The following ZNF850 variants were observed in gnomAD, a reference collection of about 807,000 sequenced individuals.
The protein encoded by ZNF850 is putative zinc finger protein ENSP00000330994.
ZNF850 carries 2 observed loss-of-function variants against 11.9 expected under a neutral mutation model. That is an observed-to-expected ratio of 0.17 (90% CI 0.07 to 0.53). The LOEUF is 0.53. ZNF850 is among the 20% of genes least tolerant of loss of function. ZNF850 has a pLI of 0.94. For missense variants in ZNF850, 1,014 were observed against 1,316.4 expected (o/e 0.77, Z 3.55); for synonymous variants, 381 against 443.0 (o/e 0.86, Z 1.76).
intron 4 of ZNF850, among the ~76,000 whole-genome samples, chr19:36,753,413 A>T (rs2040465609): frequency 9.7e-6 from 1 of 103,152 alleles, no homozygotes; most frequent in Non-Finnish European, 1.9e-5. Context: ...ACAGCCTGGG[A>T]CACTGTCTCA....
At chr19:36,771,297 G>A (rs1399047632) in intron 1 of ZNF850, among the ~76,000 whole-genome samples, 9 of 152,164 alleles carry the variant, frequency 5.9e-5, no homozygotes, top group Admixed American at 3.9e-4. Context: ...GGAGGAACGT[G>A]GGCTGTCTTG....
rs1268114868 is a variant in ZNF850, at chr19:36,750,794, A to T, written c.246T>A (p.Phe82Leu). Residue 82 changes from phenylalanine to leucine, a missense_variant, in exon 5 of 5, where the codon TTT (phenylalanine) becomes TTA (leucine). Coordinates refer to ENST00000591344, the MANE Select transcript of ZNF850 (RefSeq NM_001193552.2). ...AACATGAATCTTTGGTCTTACATCT[A>T]AACTCCGAGTCTGAAAAATAACCAG... ...VLGGWCRDSE[F>L]RCKTKDSCLP... 1 of 1,504,206 alleles carries T rather than the reference A, an allele frequency of 6.6e-7. No homozygotes were observed. Among genetic ancestry groups the T allele is most frequent in the Non-Finnish European group, 8.8e-7 (1 of 1,131,660 alleles). The allele number at this position is 1,504,206 out of a possible 1,614,324, so 93.2% of individuals were successfully genotyped here.
chr19:36,753,422 CAAAAAAAAAA>C (rs58851544), intron 4 of ZNF850, among the ~76,000 whole-genome samples: 2 of 46,652 alleles, frequency 4.3e-5, no homozygotes, highest in East Asian at 8.6e-4. Context: ...GACACTGTCT[CAAAAAAAAAA>C]AAAAAAAAAA....
rs141329339 is a variant in ZNF850 at position 36,747,836 on chromosome 19, C to G, written c.3204G>C (p.Lys1068Asn). The G allele has an allele frequency of 8.1e-4, 1,286 of 1,579,208 alleles. 2 individuals are homozygous for G. Among genetic ancestry groups the G allele is most frequent in the Non-Finnish European group, 1.0e-3 (1,203 of 1,166,270 alleles). Residue 1068 changes from lysine (K) to asparagine (N), a missense_variant, in exon 5 of 5, where the codon AAG becomes AAC. By Grantham distance (94) the Lys-to-Asn change is moderately conservative. Around this residue, in one of 2 missense-constraint regions of ZNF850, gnomAD observed 179 missense variants for 294.4 expected, o/e 0.61. Coordinates refer to ENST00000591344, the MANE Select transcript of ZNF850 (RefSeq NM_001193552.2). ...VHTGEKPYEC[K>N]TCGKAFKQLT... is the part of the protein sequence containing the mutation. ...GCTGTTTAAAGGCCTTCCCACATGT[C>G]TTACATTCATAGGGTTTCTCGCCAG... is the stretch of plus-strand genomic sequence containing the variant.
rs971899033 is a variant in ZNF850, at chr19:36,756,007, G to A, written c.236-5203C>T. 7.4e-5 allele frequency among the ~76,000 whole-genome samples: 11 copies of A among 147,662 alleles called. No homozygotes were observed. In the Admixed American group the frequency reaches 7.7e-4, roughly 10 times the overall value. On this transcript the variant is annotated intron_variant, in intron 4 of 4. Transcript: ENST00000591344. ...TGCAACCTCCGCTTCCTGGTTTCATGCGATTCTCCTTCCTCAACATCCCTA... is the reference window on the plus strand; with the variant it reads ...TGCAACCTCCGCTTCCTGGTTTCATACGATTCTCCTTCCTCAACATCCCTA...
At position 36,772,651 on chromosome 19, in the gene ZNF850, G is replaced by A. The variant is rs75619494; in HGVS notation, c.-70+74C>T. On this transcript the variant is annotated intron_variant, in intron 1 of 4. Coordinates refer to ENST00000591344, the MANE Select transcript of ZNF850 (RefSeq NM_001193552.2). ...TCACAGACCACGGAGACCCACGGCA[G>A]CCATCGCGATCACACACGCAAACTC... 784 of 153,674 alleles carry A rather than the reference G, an allele frequency of 5.1e-3. 21 individuals are homozygous for A. Among genetic ancestry groups the A allele is most frequent in the Admixed American group, 0.037 (559 of 15,278 alleles). The allele number at this position is 153,674 out of a possible 1,614,324, so 9.5% of individuals were successfully genotyped here. A position where few individuals can be genotyped will look rare whatever the true frequency, so the allele number is the denominator to read the frequency against.
Position 36,762,597 on chromosome 19 carries a change from C to T in ZNF850, c.10G>A (p.Glu4Lys), listed in dbSNP as rs564821447. 1.5e-5 allele frequency: 23 copies of T among 1,535,956 alleles called. No homozygotes were observed. In the East Asian group the frequency reaches 5.4e-4, roughly 36 times the overall value. The stretch of plus-strand genomic sequence containing the variant: ...TTAGTGTAACTTCAACAAAGTACCT[C>T]CATGTTCATGAATATTCCTGTTGCA... MNM[E>K]GLVMFQDLSI... Residue 4 changes from glutamate (E) to lysine (K), a missense_variant and splice_region_variant, in exon 2 of 5, where the codon GAG becomes AAG. Physicochemically the swap from Glu to Lys is moderately conservative, Grantham distance 56. Coordinates refer to ENST00000591344, the MANE Select transcript of ZNF850 (RefSeq NM_001193552.2).
chr19:36,757,884 C>T (rs1437056781), intron 4 of ZNF850, among the ~76,000 whole-genome samples: 2 of 151,944 alleles, frequency 1.3e-5, no homozygotes, highest in South Asian at 4.2e-4. Flanking sequence ...TGCAGTGGTG[C>T]AATCACAGCT....
intron 4 of ZNF850, among the ~76,000 whole-genome samples, chr19:36,751,479 C>T (rs1223607022): frequency 1.3e-5 from 2 of 151,754 alleles, no homozygotes; most frequent in African/African-American, 2.4e-5. Flanking sequence ...AGCGGGCGGA[C>T]CACAAGGTCA....
chr19:36,751,774 T>G (rs1008753065), intron 4 of ZNF850, among the ~76,000 whole-genome samples: 1 of 146,758 alleles, frequency 6.8e-6, no homozygotes, highest in Non-Finnish European at 1.5e-5. Flanking sequence ...ATAATAGATC[T>G]CAGCACCATA....
Position 36,747,634 on chromosome 19 carries a change from T to TAAA in ZNF850, c.*132_*133insTTT, listed in dbSNP as rs2040420118. On this transcript the variant is annotated 3_prime_UTR_variant, in exon 5 of 5. Coordinates refer to ENST00000591344, the MANE Select transcript of ZNF850 (RefSeq NM_001193552.2). ...CTGGGCGACAGAGCAAGACTCCGTC[T>TAAA]CAAAAAAAAAAAAAAAAGTCGTAAT... 1 of 827,298 alleles carries TAAA rather than the reference T, an allele frequency of 1.2e-6. No homozygotes were observed. Among genetic ancestry groups the TAAA allele is most frequent in the African/African-American group, 2.4e-5 (1 of 42,366 alleles). The allele number at this position is 827,298 out of a possible 1,614,324, so 51.2% of individuals were successfully genotyped here. A position where few individuals can be genotyped will look rare whatever the true frequency, so the allele number is the denominator to read the frequency against.
In ZNF850 at chr19:36,747,289, A is replaced by G. The variant is rs10413876; in HGVS notation, c.*478T>C. 8,120 of 153,700 alleles carry G rather than the reference A, an allele frequency of 0.053. 620 individuals are homozygous for G. The highest frequency in any genetic ancestry group is 0.17 in the African/African-American group (6,959 of 41,522). 9.5% of individuals were successfully genotyped at this position (153,700 alleles called of 1,614,324 possible). A position where few individuals can be genotyped will look rare whatever the true frequency, so the allele number is the denominator to read the frequency against. On this transcript the variant is annotated 3_prime_UTR_variant, in exon 5 of 5. Coordinates refer to ENST00000591344, the MANE Select transcript of ZNF850 (RefSeq NM_001193552.2). Reference sequence around the variant, plus strand: ...AGTAAATGGTTGTCTTTTGTCATTGACCACATTCTCTAATATGAATTTGTA... The same window carrying G: ...AGTAAATGGTTGTCTTTTGTCATTGGCCACATTCTCTAATATGAATTTGTA...
rs1312546371 is a variant in ZNF850 at position 36,749,530 on chromosome 19, G to A, written c.1510C>T (p.Pro504Ser). 6.5e-7 allele frequency: 1 copy of A among 1,545,842 alleles called. No homozygotes were observed. Among genetic ancestry groups the A allele is most frequent in the South Asian group, 1.2e-5 (1 of 84,518 alleles). Residue 504 changes from proline (P) to serine (S), a missense_variant, in exon 5 of 5, where the codon CCC becomes TCC. By Grantham distance (74) the Pro-to-Ser change is moderately conservative (BLOSUM62 -1). Coordinates refer to ENST00000591344, the MANE Select transcript of ZNF850 (RefSeq NM_001193552.2). ...RHQRIHTGEK[P>S]YNCKECGKSF... ...TTTCCACATTCTTTACAATTATAGG[G>A]TTTCTCACCAGTGTGGATTCGCTGG...
chr19:36,763,108 C>T (rs1425065319), intron 1 of ZNF850, among the ~76,000 whole-genome samples: 1 of 151,984 alleles, frequency 6.6e-6, no homozygotes, highest in Non-Finnish European at 1.5e-5. Flanking sequence ...TCAGGCTGCT[C>T]TCAAACTCCT....
In ZNF850 at chr19:36,750,208, C is replaced by A; in HGVS notation, c.832G>T (p.Asp278Tyr). The A allele has an allele frequency of 1.3e-6, 2 of 1,538,924 alleles. No individual in the cohort carries two copies. Among genetic ancestry groups the A allele is most frequent in the Non-Finnish European group, 8.7e-7 (1 of 1,146,946 alleles). Residue 278 changes from aspartate (D) to tyrosine (Y), a missense_variant, in exon 5 of 5, where the codon GAC (aspartate) becomes TAC (tyrosine). By Grantham distance (160) the Asp-to-Tyr change is radical. This residue lies in a region of ZNF850 where 835 missense variants were observed against 1,022.0 expected (regional missense o/e 0.82). Transcript: ENST00000591344. Reference protein sequence around the residue: ...LIQHWRIHTGDKPYECKECGK... With the variant: ...LIQHWRIHTGYKPYECKECGK... ...CATTCTTTACATTCATAAGGTTTGT[C>A]ACCAGTATGAATTCTCCAATGTTGA...
Position 36,750,573 on chromosome 19 carries a change from G to A in ZNF850, c.467C>T (p.Ser156Phe). ...ATGAATCCGATGATGCAGAGTGAGA[G>A]ATGTCTGTAGGCAGAAAGTTGGTGT... Reference protein sequence around the residue: ...ETTPTFCLQTSLTLHHRIHPG... With the variant: ...ETTPTFCLQTFLTLHHRIHPG... Residue 156 changes from serine to phenylalanine, a missense_variant, in exon 5 of 5, where the codon TCT becomes TTT. Physicochemically the swap from Ser to Phe is radical, Grantham distance 155 (BLOSUM62 -2). This residue lies in a region of ZNF850 where 835 missense variants were observed against 1,022.0 expected (regional missense o/e 0.82). Transcript: ENST00000591344. 6.5e-7 allele frequency: 1 copy of A among 1,536,184 alleles called. No homozygotes were observed.
chr19:36,765,303 T>C (rs1326584833), intron 1 of ZNF850, among the ~76,000 whole-genome samples: 1 of 152,234 alleles, frequency 6.6e-6, no homozygotes, highest in Non-Finnish European at 1.5e-5. Context: ...CAGTATCATT[T>C]AGACATGACA....
chr19:36,750,181 C>T lies in ZNF850; in HGVS notation c.859G>A (p.Gly287Arg). ...GTTGAGCCAGAAGTAAAAGATTTCC[C>T]ACATTCTTTACATTCATAAGGTTTG... ...GDKPYECKEC[G>R]KSFTSGSTLN... Residue 287 changes from glycine to arginine, a missense_variant, in exon 5 of 5, where the codon GGG becomes AGG. Physicochemically the swap from Gly to Arg is moderately radical, Grantham distance 125 (BLOSUM62 -2). Transcript: ENST00000591344. 1 of 1,539,198 alleles carries T rather than the reference C, an allele frequency of 6.5e-7. No individual in the cohort carries two copies. The highest frequency in any genetic ancestry group is 8.7e-7 in the Non-Finnish European group (1 of 1,146,938).
At position 36,767,114 on chromosome 19, in the gene ZNF850, G is replaced by A. The variant is rs558754282; in HGVS notation, c.-69-4439C>T. 4.5e-3 allele frequency among the ~76,000 whole-genome samples: 690 copies of A among 152,250 alleles called. 4 individuals are homozygous for A. The highest frequency in any genetic ancestry group is 4.9e-3 in the Non-Finnish European group (333 of 68,014). ...TAGCCAGGCGTGGTGGCAGGTGCCT[G>A]TAATCCCAGCTACTCGGGAGGCAGA... On this transcript the variant is annotated intron_variant, in intron 1 of 4. Transcript: ENST00000591344.
Sources: allele counts gnomAD v4.1 joint callset (sites outside exome capture counted in the v4.1 genomes callset), GRCh38; gene constraint gnomAD v4.1.1; regional missense constraint gnomAD v4.1.1; transcripts MANE v1.5; gene names NCBI Gene and HGNC (gene_info 2026-07-23, HGNC 2026-07-21).